ZP3: variants seen among roughly 807,000 people sequenced by gnomAD.
ZP3 encodes zona pellucida glycoprotein 3.
In ZP3, 21 loss-of-function variants were observed where a neutral mutation model predicts 35.6. The observed-to-expected ratio is 0.59, with a 90% CI of 0.42 to 0.85. ZP3 has a LOEUF of 0.85. Among genes scored for constraint, ZP3 ranks in the 40% least tolerant of loss-of-function variants. ZP3 has a pLI of 0.00. For synonymous variants in ZP3, 207 were observed against 214.5 expected, an observed-to-expected ratio of 0.96 and a Z score of 0.31; for missense variants, 437 against 536.5, an observed-to-expected ratio of 0.81 and a Z score of 1.83.
At chr7:76,400,608 G>A in intron 1 of ZP3, 2 of 1,440,000 alleles carry the variant, frequency 1.4e-6, no homozygotes, top group Non-Finnish European at 1.8e-6. Context: ...AGAGGGTGGA[G>A]CTGGCACCAG....
chr7:76,437,315 T>A (rs1335197573), intron 5 of ZP3, among the ~76,000 whole-genome samples: 1 of 152,066 alleles, frequency 6.6e-6, no homozygotes, highest in African/African-American at 2.4e-5. Flanking sequence ...GTTGGAATTA[T>A]AGGCACTCAA....
At chr7:76,433,342 A>G in intron 3 of ZP3, 128 bp from the exon 4 acceptor site, 1 of 990,038 alleles carries the variant, frequency 1.0e-6, no homozygotes, top group East Asian at 2.5e-5. Context: ...TTTAGTAGAG[A>G]TGGGGTTTTG....
At chr7:76,410,156 C>T (rs544724202) in intron 1 of ZP3, among the ~76,000 whole-genome samples, 8 of 152,084 alleles carry the variant, frequency 5.3e-5, no homozygotes, top group Admixed American at 2.6e-4. Flanking sequence ...CCTCAGCGCC[C>T]GAGTACCTGG....
At chr7:76,439,652 GGCA>G (rs1469906377) in intron 5 of ZP3, among the ~76,000 whole-genome samples, 3 of 151,728 alleles carry the variant, frequency 2.0e-5, no homozygotes, top group South Asian at 2.1e-4. Flanking sequence ...GCTATAGTGA[GGCA>G]TCATCATACC....
chr7:76,425,064 C>G lies in ZP3; in HGVS notation c.100C>G (p.His34Asp). 1 of 1,612,586 alleles carries G rather than the reference C, an allele frequency of 6.2e-7. No homozygotes were observed. Among genetic ancestry groups the G allele is most frequent in the Non-Finnish European group, 8.5e-7 (1 of 1,179,554 alleles). Reference sequence around the variant, plus strand: ...CTGGCTCTTGCAGGGTGGAGCCAGCCATCCTGAGACGTCCGTACAGCCCGT... The same window carrying G: ...CTGGCTCTTGCAGGGTGGAGCCAGCGATCCTGAGACGTCCGTACAGCCCGT... Reference protein sequence around the residue: ...PLWLLQGGASHPETSVQPVLV... With the variant: ...PLWLLQGGASDPETSVQPVLV... The change falls in exon 1 of 8, where the codon CAT becomes GAT. Residue 34 changes from histidine to aspartate, a missense_variant. His to Asp is a moderately conservative substitution (Grantham distance 81, BLOSUM62 -1). Coordinates refer to ENST00000394857, the MANE Select transcript of ZP3 (RefSeq NM_001110354.2).
At chr7:76,423,255 TAG>T (rs1563695771), upstream of ZP3, among the ~76,000 whole-genome samples, 1 of 150,586 alleles carries the variant, frequency 6.6e-6, no homozygotes, top group East Asian at 2.0e-4. Flanking sequence ...GGGAAAGATA[TAG>T]AGATTTTTCT....
At chr7:76,406,089 G>A (rs928458030) in intron 1 of ZP3, among the ~76,000 whole-genome samples, 2 of 152,054 alleles carry the variant, frequency 1.3e-5, no homozygotes, top group South Asian at 2.1e-4. Context: ...GGGTTCAAGC[G>A]ATTCTCCTGC....
In ZP3 at chr7:76,437,171, CTTTTTTTT is replaced by C. The variant is rs869115807; in HGVS notation, c.831+3032_831+3039del. On this transcript the variant is annotated intron_variant, in intron 5 of 7. Transcript: ENST00000394857. ...CCTCAACAGAGCAAGACCCTGTGTA[CTTTTTTTT>C]TTTTTTTTTTTTTTTGGACAGAGTC... 6.1e-4 allele frequency among the ~76,000 whole-genome samples: 48 copies of C among 78,698 alleles called. No homozygotes were observed. The East Asian group carries it at 0.011, about 18-fold the overall frequency. The allele number at this position is 78,698 out of a possible 152,430, so 51.6% of individuals were successfully genotyped here.
At chr7:76,413,455 CAG>C (rs1805296611) in intron 1 of ZP3, among the ~76,000 whole-genome samples, 2 of 151,492 alleles carry the variant, frequency 1.3e-5, no homozygotes, top group African/African-American at 4.9e-5. Context: ...TTAGTAGAGT[CAG>C]GGTTTTGCCA....
In ZP3 at chr7:76,425,107, A is replaced by G; in HGVS notation, c.143A>G (p.Glu48Gly). Reference protein sequence around the residue: ...SVQPVLVECQEATLMVMVSKD... With the variant: ...SVQPVLVECQGATLMVMVSKD... The stretch of plus-strand genomic sequence containing the variant: ...CAGCCCGTACTGGTGGAGTGTCAGG[A>G]GGCCACTCTGATGGTCATGGTCAGC... Residue 48 changes from glutamate to glycine, a missense_variant, in exon 1 of 8, where the codon GAG becomes GGG. By Grantham distance (98) the Glu-to-Gly change is moderately conservative (BLOSUM62 -2). Coordinates refer to ENST00000394857, the MANE Select transcript of ZP3 (RefSeq NM_001110354.2). The G allele has an allele frequency of 6.2e-7, 1 of 1,613,912 alleles. No individual in the cohort carries two copies. Among genetic ancestry groups the G allele is most frequent in the Non-Finnish European group, 8.5e-7 (1 of 1,180,014 alleles).
At chr7:76,398,989 G>T (rs931305738) in intron 1 of ZP3, among the ~76,000 whole-genome samples, 1 of 152,142 alleles carries the variant, frequency 6.6e-6, no homozygotes, top group Non-Finnish European at 1.5e-5. Flanking sequence ...CTCCTCTAAA[G>T]CACGGTTTTT....
chr7:76,399,508 G>A (rs564250164), intron 1 of ZP3, among the ~76,000 whole-genome samples: 1 of 151,956 alleles, frequency 6.6e-6, no homozygotes, highest in African/African-American at 2.4e-5. Context: ...CACGTGGAGC[G>A]CATGGCCAGT....
chr7:76,429,553 C>G lies in ZP3; in HGVS notation c.351C>G (p.Leu117=). The change falls in exon 2 of 8, where the codon CTC becomes CTG. Residue 117 remains leucine, a synonymous_variant. Transcript: ENST00000394857. ...CCCTGGTGTACAGCACCTTCCTGCTCCATGACCCCCGCCCCGTGGGAAACC... is the reference window on the plus strand; with the variant it reads ...CCCTGGTGTACAGCACCTTCCTGCTGCATGACCCCCGCCCCGTGGGAAACC... ...DDALVYSTFL[L]HDPRPVGNLS... is the part of the protein sequence containing the mutation. The G allele has an allele frequency of 6.2e-7, 1 of 1,614,102 alleles. No individual in the cohort carries two copies. The highest frequency in any genetic ancestry group is 8.5e-7 in the Non-Finnish European group (1 of 1,179,998).
intron 1 of ZP3, among the ~76,000 whole-genome samples, chr7:76,402,597 G>A (rs1451058432): frequency 6.6e-6 from 1 of 152,182 alleles, no homozygotes; most frequent in Non-Finnish European, 1.5e-5. Flanking sequence ...AGAATTACAG[G>A]TGTGAGCCAC....
chr7:76,402,182 A>ATTTTT (rs57389874), intron 1 of ZP3, among the ~76,000 whole-genome samples: 10,957 of 126,996 alleles, frequency 0.086, 666 homozygotes, highest in Non-Finnish European at 0.13. Flanking sequence ...CTGCCCAGCT[A>ATTTTT]TTTTTTTTTT....
At chr7:76,408,692 C>T (rs1027577157) in intron 1 of ZP3, among the ~76,000 whole-genome samples, 8 of 152,176 alleles carry the variant, frequency 5.3e-5, no homozygotes, top group Admixed American at 3.9e-4. Context: ...AAGCCTGCCT[C>T]CTACCCTCCC....
At chr7:76,405,644 T>C (rs2115810509) in intron 1 of ZP3, among the ~76,000 whole-genome samples, 1 of 152,110 alleles carries the variant, frequency 6.6e-6, no homozygotes. Context: ...GAAAATGACA[T>C]TTCCACTTGC....
chr7:76,433,058 C>A (rs1216326400), intron 3 of ZP3, 28 bp downstream of exon 3: 1 of 1,570,654 alleles, frequency 6.4e-7, no homozygotes, highest in Non-Finnish European at 8.7e-7. Context: ...GGTGGGACAT[C>A]TGTGGAAAGA....
intron 4 of ZP3, 49 bp downstream of exon 4, chr7:76,433,696 T>C (rs746588782): frequency 2.3e-5 from 35 of 1,540,626 alleles, no homozygotes; most frequent in Non-Finnish European, 3.0e-5. Context: ...AAAATGACCC[T>C]AAAGCCACCT....
Sources: gnomAD v4.1 joint callset for allele counts (sites outside exome capture counted in the v4.1 genomes callset) on GRCh38, gnomAD v4.1.1 for gene constraint, MANE v1.5 for transcripts, NCBI Gene and HGNC (gene_info 2026-07-23, HGNC 2026-07-21) for gene names.